RPS6KA6: variants seen among roughly 807,000 people sequenced by gnomAD.
RPS6KA6 encodes the protein ribosomal protein S6 kinase alpha-6.
In RPS6KA6, 27 loss-of-function variants were observed where a neutral mutation model predicts 65.4. The ratio of observed to expected loss-of-function variants is 0.41; its 90% confidence interval spans 0.30 to 0.57. RPS6KA6 has a LOEUF of 0.57. Among genes scored for constraint, RPS6KA6 ranks in the 20% least tolerant of loss-of-function variants. The pLI, the probability that RPS6KA6 is intolerant of heterozygous loss-of-function variation, is 0.24. For synonymous variants in RPS6KA6, 190 were observed against 184.2 expected (o/e 1.03, Z -0.26); for missense variants, 486 against 555.6 (o/e 0.87, Z 1.26).
intron 17 of RPS6KA6, among the ~76,000 whole-genome samples, chrX:84,103,779 C>A (rs756420468): frequency 8.1e-5 from 9 of 110,922 alleles, no homozygotes; most frequent in African/African-American, 2.9e-4. Context: ...TATTAAACCA[C>A]ACACAAAATT....
chrX:84,101,953 C>A (rs2147418187), intron 18 of RPS6KA6, 84 bp downstream of exon 18: 1 of 805,296 alleles, frequency 1.2e-6, no homozygotes, highest in Non-Finnish European at 1.7e-6. Flanking sequence ...CTTTTATCTG[C>A]CTACCATAAC....
chrX:84,121,791 A>C (rs983831178), intron 8 of RPS6KA6, among the ~76,000 whole-genome samples: 3 of 112,464 alleles, frequency 2.7e-5, no homozygotes, highest in African/African-American at 9.7e-5. Context: ...TAAAACTATA[A>C]AATTTACAAA....
intron 12 of RPS6KA6, among the ~76,000 whole-genome samples, chrX:84,112,081 G>T (rs910505278): frequency 3.6e-5 from 4 of 111,341 alleles, no homozygotes; most frequent in African/African-American, 1.3e-4. Flanking sequence ...GTAAGAAAAG[G>T]CAAAGAAAGG....
At position 84,064,023 on chromosome X, in the gene RPS6KA6, C is replaced by G. The variant is rs776363666; in HGVS notation, c.*254G>C. On this transcript the variant is annotated 3_prime_UTR_variant, in exon 22 of 22. Coordinates refer to ENST00000262752, the MANE Select transcript of RPS6KA6 (RefSeq NM_014496.5). The stretch of plus-strand genomic sequence containing the variant: ...GAAAGGAATTTTAGAAGCTTGTGTG[C>G]AGAGAAGTTGTGAGGACCTGGTGGA... 2.6e-5 allele frequency: 7 copies of G among 273,421 alleles called. No individual in the cohort carries two copies. In the South Asian group the frequency reaches 7.7e-4, roughly 30 times the overall value. The allele number at this position is 273,421 out of a possible 1,213,427, so 22.5% of individuals were successfully genotyped here.
At chrX:84,077,676 T>C (rs1387138696) in intron 20 of RPS6KA6, among the ~76,000 whole-genome samples, 1 of 111,128 alleles carries the variant, frequency 9.0e-6, no homozygotes, top group African/African-American at 3.3e-5. Flanking sequence ...CAGGGGAAAA[T>C]ACAGATGCTC....
At chrX:84,104,698 T>A in intron 16 of RPS6KA6, 41 bp from the exon 17 acceptor site, 1 of 791,672 alleles carries the variant, frequency 1.3e-6, no homozygotes, top group Non-Finnish European at 1.7e-6. Context: ...TATTTATAAT[T>A]ACAATTCTAT....
intron 20 of RPS6KA6, among the ~76,000 whole-genome samples, chrX:84,085,126 T>C (rs1454195644): frequency 8.9e-6 from 1 of 111,736 alleles, no homozygotes; most frequent in African/African-American, 3.3e-5. Context: ...GTTTTCTAGA[T>C]ATAAGATCAA....
chrX:84,180,960 G>C (rs2035843232), intron 1 of RPS6KA6, among the ~76,000 whole-genome samples: 1 of 111,763 alleles, frequency 8.9e-6, no homozygotes, highest in African/African-American at 3.2e-5. Context: ...ATGTTTTGAA[G>C]AATGAATAAA....
chrX:84,105,774 T>G lies in RPS6KA6; in HGVS notation c.1455+13A>C. 2.0e-6 allele frequency: 2 copies of G among 1,009,393 alleles called. No homozygotes were observed. Among genetic ancestry groups the G allele is most frequent in the Non-Finnish European group, 2.7e-6 (2 of 731,598 alleles). The allele number at this position is 1,009,393 out of a possible 1,213,427, so 83.2% of individuals were successfully genotyped here. A position where few individuals can be genotyped will look rare whatever the true frequency, so the allele number is the denominator to read the frequency against. On this transcript the variant is annotated intron_variant, in intron 16 of 21. Transcript: ENST00000262752. ...CATTAGCTTAGCTGATACCTAGATT[T>G]AGAAATACCTACATCCTTCAAAGTA...
chrX:84,118,041 C>A (rs1157570598), intron 9 of RPS6KA6, among the ~76,000 whole-genome samples: 1 of 111,445 alleles, frequency 9.0e-6, no homozygotes, highest in East Asian at 2.8e-4. Context: ...TCAAAGAGAA[C>A]TGACTGCAAT....
chrX:84,151,447 T>C (rs1413276779), intron 3 of RPS6KA6, among the ~76,000 whole-genome samples: 2 of 110,388 alleles, frequency 1.8e-5, no homozygotes, highest in Non-Finnish European at 3.8e-5. Context: ...GCTCAGATTC[T>C]ACCATTGACA....
intron 2 of RPS6KA6, among the ~76,000 whole-genome samples, chrX:84,157,828 G>A (rs1434486410): frequency 9.0e-6 from 1 of 110,651 alleles, no homozygotes; most frequent in Non-Finnish European, 1.9e-5. Context: ...CCAAACCTAA[G>A]CAGGTTTTCC....
chrX:84,142,085 G>A (rs768929708), intron 6 of RPS6KA6, among the ~76,000 whole-genome samples: 4 of 110,775 alleles, frequency 3.6e-5, no homozygotes, highest in Non-Finnish European at 7.6e-5. Context: ...CTTCTCAAGT[G>A]GACATGGAAC....
chrX:84,108,570 G>A (rs1247647734), intron 12 of RPS6KA6, among the ~76,000 whole-genome samples: 7 of 111,701 alleles, frequency 6.3e-5, no homozygotes, highest in Non-Finnish European at 1.1e-4. Context: ...TCGATGCAGG[G>A]AAGGGAAGAT....
intron 8 of RPS6KA6, among the ~76,000 whole-genome samples, chrX:84,123,772 T>C (rs1196257959): frequency 8.9e-6 from 1 of 112,147 alleles, no homozygotes; most frequent in Non-Finnish European, 1.9e-5. Flanking sequence ...CTCATTGCCC[T>C]GAAAGGAAGG....
chrX:84,107,210 A>T (rs939873987), intron 13 of RPS6KA6, among the ~76,000 whole-genome samples, 170 bp from the exon 14 acceptor site: 3 of 111,686 alleles, frequency 2.7e-5, no homozygotes, highest in African/African-American at 9.7e-5. Flanking sequence ...GCTCCATTTT[A>T]GTCAGTATTT....
chrX:84,076,224 C>A (rs2033661023), intron 20 of RPS6KA6, among the ~76,000 whole-genome samples: 1 of 110,029 alleles, frequency 9.1e-6, no homozygotes, highest in Non-Finnish European at 1.9e-5. Flanking sequence ...CTGATGAATC[C>A]CAACAAACAT....
intron 1 of RPS6KA6, among the ~76,000 whole-genome samples, chrX:84,181,259 T>A (rs1055876233): frequency 9.0e-6 from 1 of 111,685 alleles, no homozygotes; most frequent in South Asian, 3.7e-4. Context: ...CAAAACAGAG[T>A]CACTATCTCC....
intron 6 of RPS6KA6, among the ~76,000 whole-genome samples, chrX:84,144,902 A>G (rs2035173080): frequency 9.0e-6 from 1 of 110,809 alleles, no homozygotes; most frequent in African/African-American, 3.3e-5. Flanking sequence ...ACTTATGTTA[A>G]GCCAGACAAA....
Sources: gnomAD v4.1 joint callset for allele counts (sites outside exome capture counted in the v4.1 genomes callset) on GRCh38, gnomAD v4.1.1 for gene constraint, MANE v1.5 for transcripts, NCBI Gene and HGNC (gene_info 2026-07-23, HGNC 2026-07-21) for gene names.